Variants in SYN2 observed in about 807,000 individuals in gnomAD.
The protein encoded by SYN2 is synapsin II.
Under a neutral mutation model 50.9 loss-of-function variants are expected in SYN2, and 19 were observed. The ratio of observed to expected loss-of-function variants is 0.37; its 90% confidence interval spans 0.26 to 0.55. The LOEUF is 0.55. Among genes scored for constraint, SYN2 ranks in the 20% least tolerant of loss-of-function variants. The probability of loss-of-function intolerance (pLI) is 0.81; values close to 1 mark genes in which losing one functional copy is unlikely to be tolerated. For synonymous variants in SYN2, 255 were observed against 224.9 expected (o/e 1.13, Z -1.20); for missense variants, 587 against 576.4 (o/e 1.02, Z -0.19).
intron 1 of SYN2, among the ~76,000 whole-genome samples, chr3:12,101,967 T>TAC (rs1163575926): frequency 6.6e-6 from 1 of 152,150 alleles, no homozygotes; most frequent in African/African-American, 2.4e-5. Context: ...GATAGAATGC[T>TAC]ACAAGGCAGA....
At chr3:12,059,478 G>C (rs1269929138) in intron 1 of SYN2, among the ~76,000 whole-genome samples, 1 of 152,046 alleles carries the variant, frequency 6.6e-6, no homozygotes, top group African/African-American at 2.4e-5. Context: ...CTCCCTCCAG[G>C]CCCCTCAGGA....
chr3:12,017,569 T>C (rs1694050533), intron 1 of SYN2, among the ~76,000 whole-genome samples: 2 of 152,226 alleles, frequency 1.3e-5, no homozygotes, highest in Admixed American at 6.5e-5. Flanking sequence ...CAATTTCTTA[T>C]TCTCTCTGAA....
At chr3:12,119,725 T>TCA (rs1696510992) in intron 1 of SYN2, among the ~76,000 whole-genome samples, 1 of 152,202 alleles carries the variant, frequency 6.6e-6, no homozygotes, top group Non-Finnish European at 1.5e-5. Context: ...GGAAAGCTTT[T>TCA]GGGATCTATT....
Position 12,125,842 on chromosome 3 carries a change from G to GAA in SYN2, c.378-14795_378-14794dup, listed in dbSNP as rs5846749. Among the ~76,000 whole-genome samples the GAA allele has an allele frequency of 2.1e-3, 286 of 138,002 alleles. 3 individuals carry two copies. Among genetic ancestry groups the GAA allele is most frequent in the African/African-American group, 7.1e-3 (257 of 36,262 alleles). The allele number at this position is 138,002 out of a possible 152,430, so 90.5% of individuals were successfully genotyped here. ...TTGAAAAAATGAATTGTCTAAAAGT[G>GAA]AAAAAAAAAAAAAAACCCACAAAAC... is the stretch of plus-strand genomic sequence containing the variant. On this transcript the variant is annotated intron_variant, in intron 1 of 12. Transcript: ENST00000621198.
intron 1 of SYN2, among the ~76,000 whole-genome samples, chr3:12,128,558 A>C (rs936064857): frequency 6.6e-6 from 1 of 152,184 alleles, no homozygotes; most frequent in African/African-American, 2.4e-5. Context: ...GGCTGAGGGA[A>C]TATTATCTTG....
intron 1 of SYN2, among the ~76,000 whole-genome samples, chr3:12,091,155 G>A (rs1485044073): frequency 6.6e-6 from 1 of 152,000 alleles, no homozygotes; most frequent in Non-Finnish European, 1.5e-5. Context: ...AGAAATTTAA[G>A]TTTATGTTTT....
At chr3:12,017,745 A>G (rs1233431756) in intron 1 of SYN2, among the ~76,000 whole-genome samples, 1 of 152,246 alleles carries the variant, frequency 6.6e-6, no homozygotes, top group African/African-American at 2.4e-5. Context: ...CTACATGAGT[A>G]TTTATAGGAG....
chr3:12,147,874 G>A (rs1333549023), intron 4 of SYN2, among the ~76,000 whole-genome samples: 1 of 152,150 alleles, frequency 6.6e-6, no homozygotes, highest in Non-Finnish European at 1.5e-5. Flanking sequence ...AGCACTTTGG[G>A]AGGCTGAGGC....
chr3:12,106,795 A>C (rs1270874267), intron 1 of SYN2, among the ~76,000 whole-genome samples: 1 of 152,142 alleles, frequency 6.6e-6, no homozygotes, highest in Non-Finnish European at 1.5e-5. Flanking sequence ...TTCAAAAATC[A>C]TGTGTAATTT....
At position 12,183,133 on chromosome 3, in the gene SYN2, G is replaced by A. The variant is rs143575251; in HGVS notation, c.1309-179G>A. The stretch of plus-strand genomic sequence containing the variant: ...TGCCCACACTGCCCCAACAACACCC[G>A]AGGCTGAGGGTCCCCTTTAAAGTGT... On this transcript the variant is annotated intron_variant, in intron 10 of 12. Transcript: ENST00000621198. 1.7e-3 allele frequency among the ~76,000 whole-genome samples: 264 copies of A among 152,326 alleles called. 8 individuals are homozygous for A. In the East Asian group the frequency reaches 0.046, roughly 27 times the overall value.
At chr3:12,005,920 A>G (rs897977795) in intron 1 of SYN2, among the ~76,000 whole-genome samples, 1 of 139,342 alleles carries the variant, frequency 7.2e-6, no homozygotes, top group Non-Finnish European at 1.5e-5. Context: ...TGAAATTGAT[A>G]GGTGAAGGGC....
intron 1 of SYN2, among the ~76,000 whole-genome samples, chr3:12,051,711 T>TCAGAGATC (rs1226470376): frequency 2.0e-5 from 3 of 152,222 alleles, no homozygotes; most frequent in Admixed American, 6.5e-5. Context: ...AAATAGCTTA[T>TCAGAGATC]CAGAGATCTT....
At chr3:12,058,034 C>T (rs1695033340) in intron 1 of SYN2, among the ~76,000 whole-genome samples, 1 of 152,106 alleles carries the variant, frequency 6.6e-6, no homozygotes, top group African/African-American at 2.4e-5. Flanking sequence ...CATTTTTTAA[C>T]AAATGCACAT....
intron 1 of SYN2, among the ~76,000 whole-genome samples, chr3:12,014,747 A>G (rs422584): frequency 0.64 from 97,677 of 152,088 alleles, 33,892 homozygotes; most frequent in South Asian, 0.78. Flanking sequence ...TGCTTTGTCT[A>G]TACCTTTATG....
At chr3:12,169,927 A>G (rs1559452437) in intron 10 of SYN2, 21 bp downstream of exon 10, 3 of 1,590,420 alleles carry the variant, frequency 1.9e-6, no homozygotes, top group Admixed American at 3.5e-5. Context: ...AGGAAGAGAC[A>G]TAGCAGAGCC....
chr3:12,080,013 T>G (rs1365876067), intron 1 of SYN2, among the ~76,000 whole-genome samples: 1 of 152,178 alleles, frequency 6.6e-6, no homozygotes, highest in Admixed American at 6.5e-5. Flanking sequence ...ATTCAGTTTC[T>G]TCCTGGTTCA....
In SYN2 at chr3:12,133,858, G is replaced by A. The variant is rs138864764; in HGVS notation, c.378-6793G>A. Among the ~76,000 whole-genome samples, 575 of 152,288 alleles carry A rather than the reference G, an allele frequency of 3.8e-3. 6 individuals are homozygous for A. The highest frequency in any genetic ancestry group is 0.013 in the African/African-American group (534 of 41,552). On this transcript the variant is annotated intron_variant, in intron 1 of 12. Coordinates refer to ENST00000621198, the MANE Select transcript of SYN2 (RefSeq NM_133625.6). ...ATTAATTTTGTTTGGTGAGACAATGGCATGGCACTTATATTTTAAAAGTCA... is the reference window on the plus strand; with the variant it reads ...ATTAATTTTGTTTGGTGAGACAATGACATGGCACTTATATTTTAAAAGTCA...
chr3:12,076,180 G>A (rs887732856), intron 1 of SYN2, among the ~76,000 whole-genome samples: 1 of 151,980 alleles, frequency 6.6e-6, no homozygotes, highest in Non-Finnish European at 1.5e-5. Flanking sequence ...TAAGCGCTGG[G>A]GAAAAGCAGT....
intron 10 of SYN2, among the ~76,000 whole-genome samples, chr3:12,183,080 G>GT (rs1290443038): frequency 6.6e-6 from 1 of 152,218 alleles, no homozygotes; most frequent in African/African-American, 2.4e-5. Context: ...CTCAGGCATT[G>GT]TTACCAGAGT....
Sources: gnomAD v4.1 joint callset for allele counts (sites outside exome capture counted in the v4.1 genomes callset) on GRCh38, gnomAD v4.1.1 for gene constraint, MANE v1.5 for transcripts, NCBI Gene and HGNC (gene_info 2026-07-23, HGNC 2026-07-21) for gene names.